Variants in PRRX2 observed in about 807,000 individuals in gnomAD.
PRRX2 encodes the protein paired mesoderm homeobox protein 2.
Under a neutral mutation model 18.0 loss-of-function variants are expected in PRRX2, and 11 were observed. That is an observed-to-expected ratio of 0.61 (90% confidence interval 0.39 to 1.01). The LOEUF (loss-of-function observed/expected upper bound fraction) is 1.01, where lower values mean the gene tolerates loss of function less well. Ranked by LOEUF, PRRX2 falls within the 50% of genes least tolerant of loss-of-function variation. PRRX2 has a pLI of 0.01. For synonymous variants in PRRX2, 177 were observed against 154.8 expected (o/e 1.14, Z -1.06); for missense variants, 387 against 351.0 (o/e 1.10, Z -0.82).
chr9:129,670,763 CAG>C (rs1327737606), intron 1 of PRRX2, among the ~76,000 whole-genome samples: 1 of 152,194 alleles, frequency 6.6e-6, no homozygotes, highest in Admixed American at 6.5e-5. Flanking sequence ...GATGCTGAAA[CAG>C]GGCATCATCA....
intron 1 of PRRX2, among the ~76,000 whole-genome samples, chr9:129,684,501 C>CCAGAAA (rs1832276666): frequency 1.3e-5 from 1 of 78,050 alleles, no homozygotes; most frequent in African/African-American, 4.7e-5. Context: ...CACACACACA[C>CCAGAAA]ACACACACAC....
At chr9:129,711,988 T>G (rs1832628976) in intron 1 of PRRX2, among the ~76,000 whole-genome samples, 1 of 152,114 alleles carries the variant, frequency 6.6e-6, no homozygotes, top group African/African-American at 2.4e-5. Flanking sequence ...AACCCAAATC[T>G]CTACCAAGAA....
rs961886871 is a variant in PRRX2 at position 129,722,575 on chromosome 9, G to A, written c.*223G>A. ...CCACAACCCTTGGAGGGGTTGGGCC[G>A]GAAGGTGGAAGAGCCTGCCAAGGAC... is the stretch of plus-strand genomic sequence containing the variant. On this transcript the variant is annotated 3_prime_UTR_variant, in exon 4 of 4. Coordinates refer to ENST00000372469, the MANE Select transcript of PRRX2 (RefSeq NM_016307.4). 4.8e-6 allele frequency: 2 copies of A among 417,222 alleles called. No individual in the cohort carries two copies. The highest frequency in any genetic ancestry group is 2.0e-5 in the African/African-American group (1 of 48,958). 25.8% of individuals were successfully genotyped at this position (417,222 alleles called of 1,614,324 possible).
chr9:129,700,974 T>A (rs1179109867), intron 1 of PRRX2, among the ~76,000 whole-genome samples: 3 of 152,238 alleles, frequency 2.0e-5, no homozygotes, highest in Admixed American at 2.0e-4. Flanking sequence ...GCAAAAAGGT[T>A]CCTTCTGGAG....
chr9:129,697,571 G>GGGC (rs1254026641), intron 1 of PRRX2, among the ~76,000 whole-genome samples: 1 of 151,294 alleles, frequency 6.6e-6, no homozygotes, highest in Admixed American at 6.6e-5. Context: ...TGGCCGGGCT[G>GGGC]GGCGGCGGCG....
chr9:129,680,417 GA>G (rs1832213560), intron 1 of PRRX2, among the ~76,000 whole-genome samples: 1 of 122,080 alleles, frequency 8.2e-6, no homozygotes, highest in Non-Finnish European at 1.6e-5. Flanking sequence ...AAAAAAAAAA[GA>G]AAAGAAAAGA....
chr9:129,719,184 A>G (rs1413588686), intron 1 of PRRX2, 47 bp from the exon 2 acceptor site: 2 of 1,475,210 alleles, frequency 1.4e-6, no homozygotes, highest in Non-Finnish European at 1.8e-6. Flanking sequence ...CTGTGACTGT[A>G]GCCACTGGCC....
chr9:129,685,198 A>AAGTTGGGGTCTGGCTGGGCC (rs1357794794), intron 1 of PRRX2, among the ~76,000 whole-genome samples: 2 of 152,172 alleles, frequency 1.3e-5, no homozygotes, highest in Non-Finnish European at 2.9e-5. Flanking sequence ...GGAGCAGGGC[A>AAGTTGGGGTCTGGCTGGGCC]AGTTGGGGTC....
chr9:129,683,737 AAAAAAAT>A (rs1457212423), intron 1 of PRRX2, among the ~76,000 whole-genome samples: 1 of 152,244 alleles, frequency 6.6e-6, no homozygotes, highest in African/African-American at 2.4e-5. Context: ...TCCATCTCAA[AAAAAAAT>A]AAAAAATAAA....
Position 129,666,044 on chromosome 9 carries a change from C to CG in PRRX2, c.181dup (p.Ala61GlyfsTer28), listed in dbSNP as rs1832015835. ...CGGCCGGGCGGCTGGCGGCGCGCCC[C>CG]GGGGCCAGGGCCGAGGCGCGGGAGG... is the stretch of plus-strand genomic sequence containing the variant. On this transcript the variant is annotated frameshift_variant, in exon 1 of 4. Coordinates refer to ENST00000372469, the MANE Select transcript of PRRX2 (RefSeq NM_016307.4). LOFTEE classifies it high-confidence loss of function. 9.5e-7 allele frequency: 1 copy of CG among 1,052,186 alleles called. No homozygotes were observed. The highest frequency in any genetic ancestry group is 1.7e-5 in the African/African-American group (1 of 57,898). The allele number at this position is 1,052,186 out of a possible 1,614,324, so 65.2% of individuals were successfully genotyped here.
intron 1 of PRRX2, among the ~76,000 whole-genome samples, chr9:129,701,029 T>G (rs1393154681): frequency 4.6e-5 from 7 of 152,222 alleles, no homozygotes; most frequent in Admixed American, 4.6e-4. Context: ...TTTGGGGTCT[T>G]GAAATCCAGC....
At chr9:129,678,802 C>G (rs1339449652) in intron 1 of PRRX2, among the ~76,000 whole-genome samples, 1 of 152,266 alleles carries the variant, frequency 6.6e-6, no homozygotes, top group South Asian at 2.1e-4. Context: ...TGGGGGCGCT[C>G]TCAGTGAGCA....
intron 1 of PRRX2, among the ~76,000 whole-genome samples, chr9:129,691,298 T>G (rs1381881518): frequency 1.3e-5 from 2 of 151,766 alleles, no homozygotes; most frequent in Non-Finnish European, 2.9e-5. Context: ...GATCGCACCA[T>G]TGCACCCAGC....
intron 1 of PRRX2, among the ~76,000 whole-genome samples, chr9:129,686,414 A>T (rs1297754821): frequency 6.6e-6 from 1 of 152,142 alleles, no homozygotes; most frequent in East Asian, 1.9e-4. Flanking sequence ...TGGTGCGATC[A>T]CAGCTCACTG....
chr9:129,703,843 C>T (rs2130926227), intron 1 of PRRX2, among the ~76,000 whole-genome samples: 1 of 152,258 alleles, frequency 6.6e-6, no homozygotes, highest in Non-Finnish European at 1.5e-5. Flanking sequence ...GTCATAGAAA[C>T]CTCCAGCGAT....
intron 1 of PRRX2, among the ~76,000 whole-genome samples, chr9:129,692,215 G>C (rs1832369301): frequency 6.6e-6 from 1 of 151,616 alleles, no homozygotes; most frequent in South Asian, 2.1e-4. Context: ...CTCCCAAAGT[G>C]CTGGGATTAC....
At chr9:129,691,997 G>A (rs1832366602) in intron 1 of PRRX2, among the ~76,000 whole-genome samples, 1 of 151,778 alleles carries the variant, frequency 6.6e-6, no homozygotes, top group African/African-American at 2.4e-5. Context: ...AGGCTGGAGT[G>A]CAATGGTGTG....
chr9:129,702,113 G>A (rs13298331), intron 1 of PRRX2, among the ~76,000 whole-genome samples: 53,347 of 145,058 alleles, frequency 0.37, 10,354 homozygotes, highest in East Asian at 0.59. Flanking sequence ...AACTTTCTAC[G>A]ACTGCCAGGC....
chr9:129,667,466 C>T (rs916336901), intron 1 of PRRX2, among the ~76,000 whole-genome samples: 4 of 152,010 alleles, frequency 2.6e-5, no homozygotes, highest in African/African-American at 9.7e-5. Flanking sequence ...TCCCGGTTTA[C>T]CCTGATGAAG....
Sources: allele counts gnomAD v4.1 joint callset (sites outside exome capture counted in the v4.1 genomes callset), GRCh38; gene constraint gnomAD v4.1.1; transcripts MANE v1.5; gene names NCBI Gene and HGNC (gene_info 2026-07-23, HGNC 2026-07-21).